Variants in TP53BP1 observed in about 807,000 individuals in gnomAD.
TP53BP1 encodes tumor protein p53 binding protein 1, also known as TP53-binding protein 1.
A neutral mutation model predicts 200.8 loss-of-function variants in TP53BP1; 61 were observed. The ratio of observed to expected loss-of-function variants is 0.30; its 90% CI spans 0.25 to 0.38. The LOEUF (loss-of-function observed/expected upper bound fraction) is 0.38, where lower values mean the gene tolerates loss of function less well. Ranked by LOEUF, TP53BP1 falls within the 10% of genes least tolerant of loss-of-function variation. TP53BP1 has a pLI of 1.00. For missense variants in TP53BP1, 2,144 were observed against 2,371.9 expected (o/e 0.90, Z 2.00); for synonymous variants, 822 against 844.3 (o/e 0.97, Z 0.46).
chr15:43,412,331 G>A (rs2045139391), intron 24 of TP53BP1, among the ~76,000 whole-genome samples: 1 of 152,186 alleles, frequency 6.6e-6, no homozygotes, highest in South Asian at 2.1e-4. Flanking sequence ...CCTCTTGCAA[G>A]ACAACATTAG....
At chr15:43,411,737 G>A (rs890143818) in intron 24 of TP53BP1, among the ~76,000 whole-genome samples, 3 of 152,170 alleles carry the variant, frequency 2.0e-5, no homozygotes, top group Non-Finnish European at 4.4e-5. Flanking sequence ...CTGTCCAAAT[G>A]CCTCATTTTA....
chr15:43,509,377 A>G (rs1178225454), intron 1 of TP53BP1, among the ~76,000 whole-genome samples: 2 of 152,216 alleles, frequency 1.3e-5, no homozygotes, highest in East Asian at 1.9e-4. Flanking sequence ...CCTGTAACAC[A>G]TGCTCCATGG....
intron 1 of TP53BP1, among the ~76,000 whole-genome samples, chr15:43,509,738 C>T (rs1225993685): frequency 6.6e-6 from 1 of 152,140 alleles, no homozygotes; most frequent in African/African-American, 2.4e-5. Flanking sequence ...GCAGACACTG[C>T]CCAATCAGAA....
intron 1 of TP53BP1, 22 bp downstream of exon 1, chr15:43,493,015 C>G: frequency 6.2e-7 from 1 of 1,612,948 alleles, no homozygotes; most frequent in Non-Finnish European, 8.5e-7. Flanking sequence ...CCACTGCACT[C>G]CCATTTCTCT....
At chr15:43,501,580 C>T (rs1364221915) in intron 1 of TP53BP1, among the ~76,000 whole-genome samples, 1 of 152,150 alleles carries the variant, frequency 6.6e-6, no homozygotes, top group Non-Finnish European at 1.5e-5. Flanking sequence ...ATATATAGAA[C>T]ATTGTCATCA....
At chr15:43,430,010 G>A (rs759265239) in intron 17 of TP53BP1, among the ~76,000 whole-genome samples, 14 of 152,138 alleles carry the variant, frequency 9.2e-5, no homozygotes, top group Non-Finnish European at 1.5e-4. Context: ...ACACTTAAGC[G>A]TGTCTGAGAG....
intron 25 of TP53BP1, 77 bp from the exon 26 acceptor site, chr15:43,409,173 T>C (rs2045029501): frequency 1.7e-5 from 23 of 1,391,986 alleles, no homozygotes; most frequent in Middle Eastern, 3.7e-4. Context: ...TAATGAGCCA[T>C]GAAGAGCAGA....
At chr15:43,411,986 A>G (rs968360728) in intron 24 of TP53BP1, among the ~76,000 whole-genome samples, 2 of 152,168 alleles carry the variant, frequency 1.3e-5, no homozygotes, top group African/African-American at 4.8e-5. Flanking sequence ...TCTATGCAGA[A>G]TCCTCAAAAG....
intron 21 of TP53BP1, among the ~76,000 whole-genome samples, chr15:43,419,822 G>C (rs2045353211): frequency 6.6e-6 from 1 of 152,132 alleles, no homozygotes; most frequent in Non-Finnish European, 1.5e-5. Context: ...ACAAAAGACT[G>C]AGAAATTGCC....
At chr15:43,414,196 G>A in intron 23 of TP53BP1, 1 of 437,768 alleles carries the variant, frequency 2.3e-6, no homozygotes, top group Non-Finnish European at 4.7e-6. Flanking sequence ...TAGAAGTGAA[G>A]ACCACCAAAG....
chr15:43,449,387 G>A (rs1373735363), intron 12 of TP53BP1, among the ~76,000 whole-genome samples: 1 of 152,170 alleles, frequency 6.6e-6, no homozygotes, highest in East Asian at 1.9e-4. Flanking sequence ...AAATCTTTAA[G>A]CAGACCTTTC....
intron 1 of TP53BP1, among the ~76,000 whole-genome samples, chr15:43,506,103 C>T (rs1050947833): frequency 2.0e-5 from 3 of 152,196 alleles, no homozygotes; most frequent in African/African-American, 7.2e-5. Flanking sequence ...GGCCCAGCAT[C>T]TTTTCTTTAT....
In TP53BP1 at chr15:43,456,832, C is replaced by T. The variant is rs1407535613; in HGVS notation, c.1776G>A (p.Lys592=). Residue 592 remains lysine (K), a synonymous_variant, in exon 12 of 28, where the codon AAG becomes AAA. Transcript: ENST00000382044. ...CATCCCTGGTGTCTGTATCATCTCC[C>T]TTTGTTTTGTCATCATTCTGACTCA... is the stretch of plus-strand genomic sequence containing the variant. The part of the protein sequence containing the change: ...VQLSQNDDKT[K]GDDTDTRDDI... 2.5e-6 allele frequency: 4 copies of T among 1,613,856 alleles called. No individual in the cohort carries two copies. The Admixed American group carries it at 6.7e-5, about 27-fold the overall frequency.
intron 8 of TP53BP1, 56 bp from the exon 9 acceptor site, chr15:43,475,750 A>G: frequency 6.2e-7 from 1 of 1,604,540 alleles, no homozygotes; most frequent in Non-Finnish European, 8.5e-7. Flanking sequence ...GAGCTGCCAA[A>G]AACCATTCAG....
chr15:43,447,144 C>A, intron 13 of TP53BP1: 1 of 536,974 alleles, frequency 1.9e-6, no homozygotes, highest in South Asian at 2.1e-5. Context: ...TTTAAGTATT[C>A]TCTTTCTTTC....
intron 15 of TP53BP1, among the ~76,000 whole-genome samples, chr15:43,438,728 C>CAAAAAAAAAAAAAAAAAAA (rs397699362): frequency 4.6e-5 from 1 of 21,654 alleles, no homozygotes; most frequent in African/African-American, 2.0e-4. Flanking sequence ...AAGCAAGAGG[C>CAAAAAAAAAAAAAAAAAAA]AAAAAAAAAA....
Position 43,420,641 on chromosome 15 carries a change from G to A in TP53BP1, c.4345C>T (p.Pro1449Ser), listed in dbSNP as rs764443995. 37 of 1,614,192 alleles carry A rather than the reference G, an allele frequency of 2.3e-5. 1 individual carries two copies. Among genetic ancestry groups the A allele is most frequent in the Non-Finnish European group, 3.1e-5 (37 of 1,180,046 alleles). Residue 1449 changes from proline to serine, a missense_variant, in exon 21 of 28, where the codon CCA becomes TCA. Pro to Ser is a moderately conservative substitution (Grantham distance 74). Around this residue, in one of 4 missense-constraint regions of TP53BP1, gnomAD observed 49 missense variants for 60.7 expected, o/e 0.81. Coordinates refer to ENST00000382044, the MANE Select transcript of TP53BP1 (RefSeq NM_001141980.3). ...KSFSRVVPRV[P>S]DSTRRTDVGA... is the part of the protein sequence containing the mutation. ...ACATCTGTTCGTCTGGTGGAGTCTGGCACTCGGGGCACGACACGGCTGAAG... is the reference window on the plus strand; with the variant it reads ...ACATCTGTTCGTCTGGTGGAGTCTGACACTCGGGGCACGACACGGCTGAAG...
intron 12 of TP53BP1, among the ~76,000 whole-genome samples, chr15:43,453,046 T>C (rs976651979): frequency 1.3e-5 from 2 of 151,808 alleles, no homozygotes; most frequent in Non-Finnish European, 2.9e-5. Context: ...TACAAAAAAT[T>C]AGCCGGACGT....
Position 43,432,438 on chromosome 15 carries a change from G to C in TP53BP1, c.3431C>G (p.Pro1144Arg). ...GGGCCTTTCAATCAAGGCCTTACTA[G>C]GATTTTCCTTATTAGTACTCCGTCC... ...KEGRSTNKENPSKALIERPSQ... is the reference protein window; with the variant it reads ...KEGRSTNKENRSKALIERPSQ... The change falls in exon 17 of 28, where the codon CCT becomes CGT. Residue 1144 changes from proline (P) to arginine (R), a missense_variant. Around this residue, in one of 4 missense-constraint regions of TP53BP1, gnomAD observed 1,700 missense variants for 1,710.3 expected, o/e 0.99. Coordinates refer to ENST00000382044, the MANE Select transcript of TP53BP1 (RefSeq NM_001141980.3). The C allele has an allele frequency of 6.2e-7, 1 of 1,614,154 alleles. No individual in the cohort carries two copies. Among genetic ancestry groups the C allele is most frequent in the African/African-American group, 1.3e-5 (1 of 75,032 alleles).
Sources: allele counts gnomAD v4.1 joint callset (sites outside exome capture counted in the v4.1 genomes callset), GRCh38; gene constraint gnomAD v4.1.1; regional missense constraint gnomAD v4.1.1; transcripts MANE v1.5; gene names NCBI Gene and HGNC (gene_info 2026-07-23, HGNC 2026-07-21).